Variants in WDR41 observed in about 807,000 individuals in gnomAD.
WDR41 encodes the protein WD repeat-containing protein 41.
Under a neutral mutation model 69.3 loss-of-function variants are expected in WDR41, and 63 were observed. The observed-to-expected ratio is 0.91, with a 90% CI of 0.74 to 1.12. WDR41 has a LOEUF of 1.12. Ranked by LOEUF, WDR41 falls within the 50% of genes most tolerant of loss-of-function variation. The pLI is 0.00. For missense variants in WDR41, 543 were observed against 534.5 expected, an observed-to-expected ratio of 1.02 and a Z score of -0.16; for synonymous variants, 185 against 192.1, an observed-to-expected ratio of 0.96 and a Z score of 0.31.
At chr5:77,535,550 A>G (rs568050422) in intron 1 of WDR41, among the ~76,000 whole-genome samples, 101 of 152,320 alleles carry the variant, frequency 6.6e-4, no homozygotes, top group African/African-American at 2.3e-3. Context: ...TTTATTTTCT[A>G]CCACATCCTA....
chr5:77,455,165 T>C (rs1369158216), intron 5 of WDR41, among the ~76,000 whole-genome samples: 3 of 152,192 alleles, frequency 2.0e-5, no homozygotes, highest in Non-Finnish European at 2.9e-5. Flanking sequence ...CTTTTAGATA[T>C]TAGCCACTCT....
intron 1 of WDR41, among the ~76,000 whole-genome samples, chr5:77,528,446 C>G (rs1802480267): frequency 6.8e-6 from 1 of 146,136 alleles, no homozygotes; most frequent in Non-Finnish European, 1.5e-5. Context: ...CTAATTCCAC[C>G]AAACAGTCAA....
intron 1 of WDR41, among the ~76,000 whole-genome samples, chr5:77,594,015 G>A (rs183304550): frequency 2.8e-4 from 42 of 152,066 alleles, no homozygotes; most frequent in Admixed American, 8.5e-4. Flanking sequence ...AGATAGATAC[G>A]TAGATAGATA....
intron 1 of WDR41, among the ~76,000 whole-genome samples, chr5:77,608,543 A>C (rs979272041): frequency 3.9e-5 from 6 of 152,242 alleles, no homozygotes; most frequent in Admixed American, 1.3e-4. Flanking sequence ...GCCACATTTC[A>C]AGTACCTAAA....
chr5:77,452,901 T>C (rs1361390928), intron 6 of WDR41: 1 of 152,106 alleles, frequency 6.6e-6, no homozygotes, highest in African/African-American at 2.4e-5. Context: ...ATAAAATTCA[T>C]GAAAACCACA....
At chr5:77,586,111 C>T (rs1744033254) in intron 1 of WDR41, among the ~76,000 whole-genome samples, 1 of 151,862 alleles carries the variant, frequency 6.6e-6, no homozygotes, top group South Asian at 2.1e-4. Flanking sequence ...TTAACCATGG[C>T]AGTTTAGTTA....
At chr5:77,540,907 G>C (rs1396420042) in intron 1 of WDR41, among the ~76,000 whole-genome samples, 1 of 152,112 alleles carries the variant, frequency 6.6e-6, no homozygotes, top group Non-Finnish European at 1.5e-5. Flanking sequence ...TTTCAAATTG[G>C]CAGAGGAAAT....
chr5:77,605,613 C>T (rs1744400920), intron 1 of WDR41, among the ~76,000 whole-genome samples: 1 of 152,144 alleles, frequency 6.6e-6, no homozygotes, highest in Admixed American at 6.5e-5. Flanking sequence ...GACCCAAAGA[C>T]AAAGGCTCAG....
chr5:77,528,136 C>T (rs1480700775), intron 1 of WDR41, among the ~76,000 whole-genome samples: 1 of 151,404 alleles, frequency 6.6e-6, no homozygotes, highest in African/African-American at 2.4e-5. Context: ...AAATTGAAAA[C>T]ACTATTAAAG....
rs1580010166 is a variant in WDR41, at chr5:77,560,197, T to C, written c.42+60282A>G. ...GTAGAATGGAATAAGATTACCTTAA[T>C]TTAAATGTAAAAGACATGGTTGCTG... On this transcript the variant is annotated intron_variant, in intron 1 of 5. Coordinates refer to the WDR41 transcript ENST00000509971. 2.0e-5 allele frequency among the ~76,000 whole-genome samples: 3 copies of C among 152,324 alleles called. No homozygotes were observed. In the South Asian group the frequency reaches 6.2e-4, roughly 32 times the overall value.
chr5:77,538,819 C>T lies in WDR41; in HGVS notation c.43-49247G>A, dbSNP rs191920233. Among the ~76,000 whole-genome samples the T allele has an allele frequency of 4.2e-3, 634 of 152,304 alleles. 1 individual carries two copies. The highest frequency in any genetic ancestry group is 7.6e-3 in the Non-Finnish European group (519 of 68,026). ...GAAATCAGGATAATTATATTGGCCACTCAAGTAATGACTGGTAAACTAGAG... is the reference window on the plus strand; with the variant it reads ...GAAATCAGGATAATTATATTGGCCATTCAAGTAATGACTGGTAAACTAGAG... On this transcript the variant is annotated intron_variant, in intron 1 of 5. Transcript: ENST00000509971.
At chr5:77,470,770 G>T (rs1291026227) in intron 2 of WDR41, among the ~76,000 whole-genome samples, 1 of 152,180 alleles carries the variant, frequency 6.6e-6, no homozygotes, top group East Asian at 1.9e-4. Flanking sequence ...GCACCCAGAT[G>T]AATAAAGCAA....
At chr5:77,472,287 G>C (rs1800660694) in intron 2 of WDR41, among the ~76,000 whole-genome samples, 1 of 152,072 alleles carries the variant, frequency 6.6e-6, no homozygotes, top group Non-Finnish European at 1.5e-5. Context: ...ACTAATAAGA[G>C]CTATCTGTGA....
chr5:77,466,016 C>A (rs1800290572), intron 2 of WDR41, among the ~76,000 whole-genome samples: 1 of 151,954 alleles, frequency 6.6e-6, no homozygotes, highest in Non-Finnish European at 1.5e-5. Flanking sequence ...TTGAGTACAT[C>A]TACTACTGGT....
chr5:77,494,763 G>C (rs1398936984), upstream of WDR41, among the ~76,000 whole-genome samples: 1 of 152,016 alleles, frequency 6.6e-6, no homozygotes, highest in African/African-American at 2.4e-5. Context: ...ACCAGACAAG[G>C]TAAAGAAATA....
chr5:77,451,432 G>T, intron 6 of WDR41, 79 bp from the exon 7 acceptor site: 1 of 1,346,272 alleles, frequency 7.4e-7, no homozygotes, highest in South Asian at 1.2e-5. Context: ...TCAGTTTTAT[G>T]TCAGTCGTTT....
chr5:77,447,558 C>A (rs1001685069), intron 8 of WDR41, among the ~76,000 whole-genome samples: 2 of 152,166 alleles, frequency 1.3e-5, no homozygotes. Context: ...AAATGTGGCA[C>A]ATATACACCA....
intron 1 of WDR41, chr5:77,582,700 T>C: frequency 6.3e-7 from 1 of 1,596,172 alleles, no homozygotes; most frequent in Non-Finnish European, 8.5e-7. Context: ...CCGAAAGGTG[T>C]TGCAGCTTCT....
chr5:77,577,312 TC>T (rs1743853012), intron 1 of WDR41, among the ~76,000 whole-genome samples: 1 of 128,666 alleles, frequency 7.8e-6, no homozygotes, highest in Non-Finnish European at 1.6e-5. Flanking sequence ...CCTGCCCCCT[TC>T]CCCCCACCAA....
Sources: gnomAD v4.1 joint callset for allele counts (sites outside exome capture counted in the v4.1 genomes callset) on GRCh38, gnomAD v4.1.1 for gene constraint, MANE v1.5 for transcripts, NCBI Gene and HGNC (gene_info 2026-07-23, HGNC 2026-07-21) for gene names.